The following FHOD3 variants were observed in gnomAD, a reference collection of about 807,000 sequenced individuals.
The protein encoded by FHOD3 is FH1/FH2 domain-containing protein 3.
FHOD3 carries 90 observed loss-of-function variants against 173.0 expected under a neutral mutation model. The observed-to-expected ratio is 0.52, with a 90% CI of 0.44 to 0.62. The LOEUF (loss-of-function observed/expected upper bound fraction) is 0.62, where lower values mean the gene tolerates loss of function less well. Ranked by LOEUF, FHOD3 falls within the 20% of genes least tolerant of loss-of-function variation. FHOD3 has a pLI of 0.00. For synonymous variants in FHOD3, 828 were observed against 823.0 expected (o/e 1.01, Z -0.10); for missense variants, 1,945 against 2,034.7 (o/e 0.96, Z 0.85).
At chr18:36,661,491 T>C (rs1017645677) in intron 14 of FHOD3, among the ~76,000 whole-genome samples, 2 of 152,194 alleles carry the variant, frequency 1.3e-5, no homozygotes, top group African/African-American at 2.4e-5. Context: ...ATCATACCCC[T>C]GACTAATAAA....
chr18:36,300,143 C>T (rs932566635), intron 1 of FHOD3, among the ~76,000 whole-genome samples: 4 of 152,020 alleles, frequency 2.6e-5, no homozygotes, highest in African/African-American at 7.2e-5. Flanking sequence ...TTTGATTGTC[C>T]CTATTTTAGA....
intron 13 of FHOD3, among the ~76,000 whole-genome samples, chr18:36,654,487 G>T (rs1280023485): frequency 6.6e-6 from 1 of 152,086 alleles, no homozygotes; most frequent in Non-Finnish European, 1.5e-5. Context: ...TGGGGCTTTA[G>T]ATTTAACTGA....
chr18:36,482,657 A>T (rs1269946322), intron 3 of FHOD3, among the ~76,000 whole-genome samples: 1 of 152,116 alleles, frequency 6.6e-6, no homozygotes. Flanking sequence ...AGTCACCAGG[A>T]CTTTTTGGTT....
At chr18:36,299,092 T>C (rs543535277) in intron 1 of FHOD3, among the ~76,000 whole-genome samples, 16 of 152,170 alleles carry the variant, frequency 1.1e-4, no homozygotes, top group Non-Finnish European at 2.4e-4. Context: ...GTTGACCTGC[T>C]TTGCAAGTAG....
intron 24 of FHOD3, among the ~76,000 whole-genome samples, chr18:36,753,640 T>C (rs1405344630): frequency 6.6e-6 from 1 of 152,264 alleles, no homozygotes; most frequent in Non-Finnish European, 1.5e-5. Flanking sequence ...CAGATCATTT[T>C]CTATGGCTGC....
Position 36,627,818 on chromosome 18 carries a change from C to A in FHOD3, c.1196+2069C>A, listed in dbSNP as rs894252404. 6.6e-5 allele frequency among the ~76,000 whole-genome samples: 10 copies of A among 152,248 alleles called. 1 individual carries two copies. The highest frequency in any genetic ancestry group is 6.5e-4 in the Admixed American group (10 of 15,292). ...ATGATTTCTTCCTGCATAGCTTAGT[C>A]ACCTGCTCAACATCTGTGCCTCAAA... On this transcript the variant is annotated intron_variant, in intron 10 of 28. Transcript: ENST00000590592.
intron 18 of FHOD3, among the ~76,000 whole-genome samples, chr18:36,713,464 A>G (rs2040281986): frequency 6.6e-6 from 1 of 152,266 alleles, no homozygotes; most frequent in Non-Finnish European, 1.5e-5. Context: ...AGAAGAAACA[A>G]TGTACTTGGA....
Position 36,297,967 on chromosome 18 carries a change from G to A in FHOD3, c.132G>A (p.Ala44=), listed in dbSNP as rs1310969125. The A allele has an allele frequency of 5.8e-6, 9 of 1,564,752 alleles. No homozygotes were observed. The Admixed American group carries it at 7.4e-5, about 13-fold the overall frequency. ...ACCTCGCGCTCGGCACCCAGCTGGC[G>A]GGGGTCCATAGGCTGCTGCAGGCGC... is the stretch of plus-strand genomic sequence containing the variant. ...REDLALGTQL[A]GVHRLLQAPH... is the part of the protein sequence containing the mutation. Residue 44 remains alanine (A), a synonymous_variant, in exon 1 of 29, where the codon GCG becomes GCA. Transcript: ENST00000590592.
chr18:36,480,794 G>T (rs1266237430), intron 3 of FHOD3, among the ~76,000 whole-genome samples: 2 of 152,184 alleles, frequency 1.3e-5, no homozygotes, highest in African/African-American at 4.8e-5. Context: ...TCATTGGCAG[G>T]CTTCAGTAAT....
intron 1 of FHOD3, among the ~76,000 whole-genome samples, chr18:36,320,217 C>A (rs2144916365): frequency 6.6e-6 from 1 of 151,912 alleles, no homozygotes; most frequent in Admixed American, 6.6e-5. Context: ...AAAAGATCAG[C>A]AAAATAGACA....
At chr18:36,326,481 T>C (rs1207277248) in intron 1 of FHOD3, among the ~76,000 whole-genome samples, 1 of 152,204 alleles carries the variant, frequency 6.6e-6, no homozygotes, top group East Asian at 1.9e-4. Flanking sequence ...TATAAAGTAC[T>C]TCAGGTCAGG....
intron 17 of FHOD3, among the ~76,000 whole-genome samples, chr18:36,696,714 T>A (rs1600285650): frequency 1.3e-5 from 2 of 152,208 alleles, no homozygotes. Context: ...AGCAGATGTA[T>A]GTCCCCATAC....
At chr18:36,628,777 C>A (rs1026994054) in intron 10 of FHOD3, among the ~76,000 whole-genome samples, 1 of 152,178 alleles carries the variant, frequency 6.6e-6, no homozygotes, top group Admixed American at 6.5e-5. Context: ...CTGTCAAGTT[C>A]CCAAGAGATG....
intron 1 of FHOD3, among the ~76,000 whole-genome samples, chr18:36,332,731 C>A (rs2045086800): frequency 6.6e-6 from 1 of 152,190 alleles, no homozygotes; most frequent in Admixed American, 6.5e-5. Flanking sequence ...CTCCCTGGCT[C>A]AGGTTGGAGT....
At chr18:36,594,952 AG>A in intron 7 of FHOD3, 54 bp downstream of exon 7, 1 of 1,187,936 alleles carries the variant, frequency 8.4e-7, no homozygotes, top group South Asian at 1.3e-5. Context: ...TAATGTAGGG[AG>A]GCTTCTGTGT....
intron 3 of FHOD3, among the ~76,000 whole-genome samples, chr18:36,484,693 G>A (rs970347794): frequency 7.2e-5 from 11 of 152,106 alleles, no homozygotes; most frequent in East Asian, 1.9e-4. Context: ...GTATAATGAC[G>A]GGTGTGCATG....
chr18:36,747,316 A>T (rs1258532679), intron 24 of FHOD3, among the ~76,000 whole-genome samples, 181 bp downstream of exon 24: 1 of 152,234 alleles, frequency 6.6e-6, no homozygotes, highest in East Asian at 1.9e-4. Context: ...CTTACACAAT[A>T]ATATAATGCC....
chr18:36,363,550 A>G (rs2046737927), intron 2 of FHOD3, among the ~76,000 whole-genome samples: 1 of 152,224 alleles, frequency 6.6e-6, no homozygotes, highest in Non-Finnish European at 1.5e-5. Flanking sequence ...TGAAAAAGCT[A>G]CATACTGTGA....
chr18:36,766,750 A>G (rs1204921724), intron 27 of FHOD3, among the ~76,000 whole-genome samples: 1 of 152,224 alleles, frequency 6.6e-6, no homozygotes, highest in Non-Finnish European at 1.5e-5. Context: ...CATTACATTG[A>G]CAGAAGATCC....
Sources: allele counts gnomAD v4.1 joint callset (sites outside exome capture counted in the v4.1 genomes callset), GRCh38; gene constraint gnomAD v4.1.1; transcripts MANE v1.5; gene names NCBI Gene and HGNC (gene_info 2026-07-23, HGNC 2026-07-21).